PALM2AKAP2: variants seen among roughly 807,000 people sequenced by gnomAD.
The protein encoded by PALM2AKAP2 is PALM2 and AKAP2 fusion, also known as PALM2-AKAP2 fusion protein.
A neutral mutation model predicts 71.5 loss-of-function variants in PALM2AKAP2; 37 were observed. That is an observed-to-expected ratio of 0.52 (90% CI 0.40 to 0.68). PALM2AKAP2 has a LOEUF of 0.68. Among genes scored for constraint, PALM2AKAP2 ranks in the 30% least tolerant of loss-of-function variants. PALM2AKAP2 has a pLI of 0.00. For synonymous variants in PALM2AKAP2, 468 were observed against 478.8 expected, an observed-to-expected ratio of 0.98 and a Z score of 0.29; for missense variants, 1,224 against 1,191.8, an observed-to-expected ratio of 1.03 and a Z score of -0.40.
chr9:110,043,714 G>GTTTTTTTTTTTTTTTT (rs71492869), upstream of PALM2AKAP2, among the ~76,000 whole-genome samples: 2 of 98,408 alleles, frequency 2.0e-5, no homozygotes, highest in African/African-American at 4.4e-5. Flanking sequence ...GTTTTTTTTG[G>GTTTTTTTTTTTTTTTT]TGTTTTTTTT....
chr9:109,799,883 C>A (rs756307390), intron 1 of PALM2AKAP2, among the ~76,000 whole-genome samples: 5 of 152,186 alleles, frequency 3.3e-5, no homozygotes, highest in Non-Finnish European at 7.3e-5. Context: ...AGCCTTAGAG[C>A]TGATGGAAAA....
chr9:110,109,239 C>T (rs565069133), intron 1 of PALM2AKAP2, among the ~76,000 whole-genome samples: 1 of 148,546 alleles, frequency 6.7e-6, no homozygotes, highest in East Asian at 2.0e-4. Context: ...ATTGCTTGAA[C>T]CCGGGAAGTG....
chr9:110,135,164 A>AAAAAAAAAAAAATATATATATATATATAT lies in PALM2AKAP2; in HGVS notation c.157-962_157-961insAAAAAAAAAAATATATATATATATATATA. ...AACTCTGTCTCTACAAAAAAAAAAA[A>AAAAAAAAAAAAATATATATATATATATAT]ATATATAAATATATATATATATATA... On this transcript the variant is annotated intron_variant, in intron 1 of 3. Coordinates refer to ENST00000374525, the Ensembl canonical transcript of PALM2AKAP2. Among the ~76,000 whole-genome samples the AAAAAAAAAAAAATATATATATATATATAT allele has an allele frequency of 2.9e-4, 15 of 51,718 alleles. 2 individuals carry two copies. Among genetic ancestry groups the AAAAAAAAAAAAATATATATATATATATAT allele is most frequent in the Admixed American group, 4.3e-4 (2 of 4,702 alleles). The allele number at this position is 51,718 out of a possible 152,430, so 33.9% of individuals were successfully genotyped here. A position where few individuals can be genotyped will look rare whatever the true frequency, so the allele number is the denominator to read the frequency against.
At chr9:110,160,685 A>G (rs1224503559) in intron 3 of PALM2AKAP2, among the ~76,000 whole-genome samples, 1 of 152,226 alleles carries the variant, frequency 6.6e-6, no homozygotes, top group African/African-American at 2.4e-5. Flanking sequence ...TGGGTCATTG[A>G]GTCAATGATG....
intron 3 of PALM2AKAP2, among the ~76,000 whole-genome samples, chr9:109,903,135 A>G (rs1425857997): frequency 6.6e-6 from 1 of 152,148 alleles, no homozygotes; most frequent in Admixed American, 6.5e-5. Context: ...GGCCTGGGAC[A>G]CACATGCCGG....
At chr9:109,814,770 A>C (rs1417103481) in intron 1 of PALM2AKAP2, among the ~76,000 whole-genome samples, 2 of 152,242 alleles carry the variant, frequency 1.3e-5, no homozygotes, top group African/African-American at 4.8e-5. Context: ...TCTATCAACC[A>C]TTAAGCTATA....
intron 6 of PALM2AKAP2, among the ~76,000 whole-genome samples, chr9:110,001,193 A>G (rs952254104): frequency 3.3e-5 from 5 of 152,164 alleles, no homozygotes; most frequent in African/African-American, 7.2e-5. Flanking sequence ...TTTTTGTATA[A>G]GGTGTAAGGA....
At chr9:110,030,908 C>T (rs1833267719) in intron 7 of PALM2AKAP2, among the ~76,000 whole-genome samples, 1 of 152,212 alleles carries the variant, frequency 6.6e-6, no homozygotes, top group Non-Finnish European at 1.5e-5. Context: ...CTTATGCTTA[C>T]TATCATTGCA....
In PALM2AKAP2 at chr9:110,116,053, T is replaced by G. The variant is rs118107747; in HGVS notation, c.157-20074T>G. Among the ~76,000 whole-genome samples, 204 of 152,258 alleles carry G rather than the reference T, an allele frequency of 1.3e-3. 1 individual carries two copies. In the Middle Eastern group the frequency reaches 0.014, roughly 10 times the overall value. On this transcript the variant is annotated intron_variant, in intron 1 of 3. Coordinates refer to ENST00000374525, the Ensembl canonical transcript of PALM2AKAP2. The stretch of plus-strand genomic sequence containing the variant: ...AATCTACGAGAGAGACCTGTTCTGT[T>G]CCCTGGACTCAGCTCCCATAGAGTC...
At chr9:109,741,167 AC>A (rs1828711139) in intron 1 of PALM2AKAP2, among the ~76,000 whole-genome samples, 2 of 152,176 alleles carry the variant, frequency 1.3e-5, no homozygotes, top group African/African-American at 2.4e-5. Flanking sequence ...CCCAGAGGTA[AC>A]CAGTGTTCTG....
intron 6 of PALM2AKAP2, among the ~76,000 whole-genome samples, chr9:110,012,342 CT>C (rs1266187222): frequency 6.6e-6 from 1 of 152,050 alleles, no homozygotes; most frequent in East Asian, 1.9e-4. Context: ...TTATTACCCC[CT>C]GGTAATTTCT....
At chr9:110,075,290 C>G (rs73657336) in intron 1 of PALM2AKAP2, among the ~76,000 whole-genome samples, 5,701 of 152,216 alleles carry the variant, frequency 0.037, 353 homozygotes, top group African/African-American at 0.12. Flanking sequence ...AGGATTTTAT[C>G]TAGGGTTTAG....
In PALM2AKAP2 at chr9:110,168,609, AATCCTT is replaced by A. The variant is rs2119296407; in HGVS notation, c.*115_*120del. On this transcript the variant is annotated 3_prime_UTR_variant, in exon 4 of 4. Transcript: ENST00000374525. ...TTATTAAAGTGCAAACAAACTCAGC[AATCCTT>A]ATGTAGACCAGAAGCTGCAATATAC... The A allele has an allele frequency of 2.4e-6, 3 of 1,272,038 alleles. No homozygotes were observed. The East Asian group carries it at 7.7e-5, about 33-fold the overall frequency. 78.8% of individuals were successfully genotyped at this position (1,272,038 alleles called of 1,614,324 possible). A position where few individuals can be genotyped will look rare whatever the true frequency, so the allele number is the denominator to read the frequency against.
At chr9:109,748,451 T>A (rs1241850172) in intron 1 of PALM2AKAP2, among the ~76,000 whole-genome samples, 1 of 151,078 alleles carries the variant, frequency 6.6e-6, no homozygotes, top group East Asian at 2.0e-4. Flanking sequence ...AGAAGAGGAG[T>A]GAGATAACAT....
At chr9:110,038,166 C>A (rs1370715569) in intron 7 of PALM2AKAP2, among the ~76,000 whole-genome samples, 1 of 152,044 alleles carries the variant, frequency 6.6e-6, no homozygotes, top group Admixed American at 6.6e-5. Flanking sequence ...ATAGCAAGAC[C>A]TCCCTCTCTA....
At chr9:109,822,217 A>C (rs971848860) in intron 1 of PALM2AKAP2, among the ~76,000 whole-genome samples, 5 of 152,134 alleles carry the variant, frequency 3.3e-5, no homozygotes, top group African/African-American at 1.2e-4. Flanking sequence ...TCAAAAAGTC[A>C]CTAGATTTTT....
chr9:109,889,051 G>A lies in PALM2AKAP2; in HGVS notation c.257+8370G>A, dbSNP rs182855142. 1.7e-3 allele frequency among the ~76,000 whole-genome samples: 258 copies of A among 152,272 alleles called. 1 individual carries two copies. The highest frequency in any genetic ancestry group is 6.1e-3 in the African/African-American group (252 of 41,542). ...ATACTAAGATGAGAATCTCACCACC[G>A]AGTAGTTCCAGAATACAGAACCCTA... On this transcript the variant is annotated intron_variant, in intron 3 of 9. Transcript: ENST00000302798.
intron 2 of PALM2AKAP2, among the ~76,000 whole-genome samples, chr9:110,149,221 A>C (rs901726251): frequency 7.2e-5 from 11 of 152,202 alleles, no homozygotes; most frequent in African/African-American, 2.7e-4. Context: ...TTTGGAGTGA[A>C]ACTCTTTGGG....
At chr9:110,130,821 C>G (rs1180756834) in intron 1 of PALM2AKAP2, among the ~76,000 whole-genome samples, 3 of 152,214 alleles carry the variant, frequency 2.0e-5, no homozygotes, top group Non-Finnish European at 4.4e-5. Context: ...ATTGGCATAT[C>G]CCCTTTATGA....
Sources: allele counts gnomAD v4.1 joint callset (sites outside exome capture counted in the v4.1 genomes callset), GRCh38; gene constraint gnomAD v4.1.1; transcripts MANE v1.5; gene names NCBI Gene and HGNC (gene_info 2026-07-23, HGNC 2026-07-21).